COL28A1: variants seen among roughly 807,000 people sequenced by gnomAD.
The protein encoded by COL28A1 is collagen type XXVIII alpha 1 chain.
A neutral mutation model predicts 150.2 loss-of-function variants in COL28A1; 161 were observed. The ratio of observed to expected loss-of-function variants is 1.07; its 90% CI spans 0.94 to 1.22. The LOEUF (loss-of-function observed/expected upper bound fraction) is 1.22, where lower values mean the gene tolerates loss of function less well. Among genes scored for constraint, COL28A1 ranks in the 50% most tolerant of loss-of-function variants. The pLI, the probability that COL28A1 is intolerant of heterozygous loss-of-function variation, is 0.00. For missense variants in COL28A1, 1,617 were observed against 1,388.3 expected (o/e 1.16, Z -2.62); for synonymous variants, 552 against 469.7 (o/e 1.18, Z -2.26).
At position 7,456,027 on chromosome 7, in the gene COL28A1, A is replaced by C; in HGVS notation, c.1371+17T>G. 3.7e-6 allele frequency: 6 copies of C among 1,613,772 alleles called. No homozygotes were observed. Among genetic ancestry groups the C allele is most frequent in the Non-Finnish European group, 5.1e-6 (6 of 1,179,808 alleles). ...GAATGTTCTGCACTGAAGGGAAAGGAAGAATGCATTAATTACCTGTTCCCC... is the reference window on the plus strand; with the variant it reads ...GAATGTTCTGCACTGAAGGGAAAGGCAGAATGCATTAATTACCTGTTCCCC... On this transcript the variant is annotated intron_variant, in intron 16 of 34. Transcript: ENST00000399429.
At chr7:7,461,539 T>C (rs1431113763) in intron 15 of COL28A1, among the ~76,000 whole-genome samples, 1 of 152,110 alleles carries the variant, frequency 6.6e-6, no homozygotes, top group African/African-American at 2.4e-5. Context: ...CTCAGTGTTG[T>C]TGGGAGGGCA....
intron 8 of COL28A1, among the ~76,000 whole-genome samples, chr7:7,513,856 C>T (rs575623118): frequency 1.5e-4 from 23 of 152,304 alleles, no homozygotes; most frequent in African/African-American, 4.6e-4. Flanking sequence ...TCTGCAAAGG[C>T]GTTTTCCTTT....
intron 13 of COL28A1, among the ~76,000 whole-genome samples, chr7:7,481,180 C>T (rs1174176081): frequency 6.6e-6 from 1 of 152,192 alleles, no homozygotes; most frequent in Non-Finnish European, 1.5e-5. Context: ...TCATTCTCTG[C>T]ACTTCTAGAG....
At chr7:7,436,545 C>T (rs1785358160) in intron 22 of COL28A1, 82 bp from the exon 23 acceptor site, 2 of 826,760 alleles carry the variant, frequency 2.4e-6, no homozygotes, top group Admixed American at 3.5e-5. Flanking sequence ...CCATTGGCCA[C>T]TCTGTAAAGA....
chr7:7,440,745 C>CA (rs33937466), intron 21 of COL28A1, 45 bp downstream of exon 21: 230,141 of 782,274 alleles, frequency 0.29, 36,721 homozygotes, highest in African/African-American at 0.33. Flanking sequence ...AAACCAGACA[C>CA]AATACAAACT....
chr7:7,542,289 C>T, the COL28A1 span, among the ~76,000 whole-genome samples: 1 of 152,114 alleles, frequency 6.6e-6, no homozygotes, highest in Non-Finnish European at 1.5e-5. Context: ...TGAGATGGCA[C>T]CACTGCACTC....
chr7:7,471,070 C>A (rs1373705186), intron 15 of COL28A1, among the ~76,000 whole-genome samples: 2 of 137,482 alleles, frequency 1.5e-5, no homozygotes, highest in Non-Finnish European at 3.1e-5. Flanking sequence ...ATGTAACTAA[C>A]CTGCACAATG....
upstream of COL28A1, chr7:7,535,977 A>G (rs1413653036): frequency 1.3e-5 from 2 of 152,230 alleles, no homozygotes; most frequent in Non-Finnish European, 2.9e-5. Context: ...GGGATCAGTA[A>G]GCAATTTAAA....
chr7:7,434,462 A>G (rs917047584), intron 23 of COL28A1, among the ~76,000 whole-genome samples: 1 of 152,234 alleles, frequency 6.6e-6, no homozygotes, highest in Non-Finnish European at 1.5e-5. Context: ...GGCCAACAAC[A>G]AACTAAAGCA....
intron 8 of COL28A1, chr7:7,511,931 C>T (rs902326660): frequency 5.6e-6 from 2 of 359,542 alleles, no homozygotes; most frequent in South Asian, 4.5e-5. Context: ...CTGACATTAC[C>T]TGTCTGAGAT....
At chr7:7,430,099 C>CTT (rs541245114) in intron 25 of COL28A1, among the ~76,000 whole-genome samples, 356 of 152,210 alleles carry the variant, frequency 2.3e-3, no homozygotes, top group Non-Finnish European at 3.6e-3. Context: ...TAATCTGACA[C>CTT]AGTGAAATAT....
At chr7:7,465,375 C>A (rs1205359626) in intron 15 of COL28A1, among the ~76,000 whole-genome samples, 1 of 140,928 alleles carries the variant, frequency 7.1e-6, no homozygotes, top group Non-Finnish European at 1.5e-5. Context: ...TCACTCCCAC[C>A]CGAATATTGC....
intron 3 of COL28A1, among the ~76,000 whole-genome samples, chr7:7,525,133 C>T (rs1781950485): frequency 6.6e-6 from 1 of 152,122 alleles, no homozygotes; most frequent in African/African-American, 2.4e-5. Context: ...TTTAATGAGT[C>T]TTAGTCAATC....
At chr7:7,350,478 T>A in the COL28A1 span, among the ~76,000 whole-genome samples, 3 of 152,150 alleles carry the variant, frequency 2.0e-5, no homozygotes, top group Non-Finnish European at 4.4e-5. Flanking sequence ...TCAATCTCAC[T>A]GTGTTTGTCA....
In COL28A1 at chr7:7,375,481, T is replaced by C; in HGVS notation, c.2339A>G (p.Lys780Arg). 1 of 1,567,442 alleles carries C rather than the reference T, an allele frequency of 6.4e-7. No individual in the cohort carries two copies. The highest frequency in any genetic ancestry group is 8.7e-7 in the Non-Finnish European group (1 of 1,145,206). Residue 780 changes from lysine to arginine, a missense_variant, in exon 31 of 35, where the codon AAA becomes AGA. By Grantham distance (26) the Lys-to-Arg change is conservative. Coordinates refer to ENST00000399429, the MANE Select transcript of COL28A1 (RefSeq NM_001037763.3). ...CTTACCACATATTTCTGTAATAAGT[T>C]TGATAATTTCTTCTTTCTAGGGGAT... is the stretch of plus-strand genomic sequence containing the variant. ...DLGLTKEEIIKLITEICGCGP... is the reference protein window; with the variant it reads ...DLGLTKEEIIRLITEICGCGP...
At chr7:7,395,631 A>G (rs1041871100) in intron 27 of COL28A1, among the ~76,000 whole-genome samples, 3 of 152,160 alleles carry the variant, frequency 2.0e-5, no homozygotes, top group Non-Finnish European at 2.9e-5. Context: ...CAATTGGAAC[A>G]TGGTTGGTTG....
At chr7:7,374,799 C>T (rs1233285211) in intron 31 of COL28A1, among the ~76,000 whole-genome samples, 1 of 152,196 alleles carries the variant, frequency 6.6e-6, no homozygotes, top group African/African-American at 2.4e-5. Flanking sequence ...AGGGAATAAG[C>T]TGGTTCTGGG....
chr7:7,400,616 T>C (rs1171162266), intron 27 of COL28A1, among the ~76,000 whole-genome samples: 1 of 152,104 alleles, frequency 6.6e-6, no homozygotes, highest in Admixed American at 6.5e-5. Context: ...TCCTTCCTCT[T>C]TGGCATTACA....
chr7:7,527,952 C>A (rs1782122947), intron 3 of COL28A1, among the ~76,000 whole-genome samples: 1 of 151,886 alleles, frequency 6.6e-6, no homozygotes, highest in African/African-American at 2.4e-5. Flanking sequence ...AGCAAAATGG[C>A]CACTATAAAA....
Sources: allele counts gnomAD v4.1 joint callset (sites outside exome capture counted in the v4.1 genomes callset), GRCh38; gene constraint gnomAD v4.1.1; transcripts MANE v1.5; gene names NCBI Gene and HGNC (gene_info 2026-07-23, HGNC 2026-07-21).